LOC400499: variants seen among roughly 807,000 people sequenced by gnomAD.
the LOC400499 span, among the ~76,000 whole-genome samples, chr16:11,429,334 T>C: frequency 1.3e-5 from 2 of 152,104 alleles, no homozygotes; most frequent in Non-Finnish European, 2.9e-5. Flanking sequence ...GCACCATACT[T>C]CCAGTACAGC....
the LOC400499 span, chr16:11,448,170 C>T: frequency 7.2e-7 from 1 of 1,380,396 alleles, no homozygotes; most frequent in Non-Finnish European, 9.6e-7. Context: ...CCACAACCTG[C>T]CCATCACCCC....
chr16:11,448,995 C>T, the LOC400499 span: 895 of 1,522,206 alleles, frequency 5.9e-4, no homozygotes, highest in Non-Finnish European at 7.1e-4. Context: ...CAGGATCTTA[C>T]GGTCCCGGCT....
chr16:11,415,463 G>A, the LOC400499 span, among the ~76,000 whole-genome samples: 7 of 152,302 alleles, frequency 4.6e-5, no homozygotes, highest in Non-Finnish European at 4.4e-5. Flanking sequence ...CAGCCCGCCC[G>A]CCTCAAGGGA....
At chr16:11,495,140 C>A in the LOC400499 span, among the ~76,000 whole-genome samples, 1 of 151,592 alleles carries the variant, frequency 6.6e-6, no homozygotes, top group Non-Finnish European at 1.5e-5. Flanking sequence ...ACCCGGGAAG[C>A]AGAGGCTGCA....
chr16:11,519,178 C>T, the LOC400499 span, among the ~76,000 whole-genome samples: 1 of 152,168 alleles, frequency 6.6e-6, no homozygotes, highest in Non-Finnish European at 1.5e-5. Context: ...ACCTACAGCT[C>T]CCTGCTAAAC....
At chr16:11,486,272 G>GGGAT in the LOC400499 span, among the ~76,000 whole-genome samples, 6 of 43,946 alleles carry the variant, frequency 1.4e-4, 1 homozygote, top group Non-Finnish European at 2.5e-4. Flanking sequence ...GATGGATGGA[G>GGGAT]GGATGGATGG....
At chr16:11,426,596 C>T in the LOC400499 span, among the ~76,000 whole-genome samples, 1 of 151,390 alleles carries the variant, frequency 6.6e-6, no homozygotes, top group African/African-American at 2.4e-5. Flanking sequence ...TATTTCTTAG[C>T]TACTGCAATA....
the LOC400499 span, among the ~76,000 whole-genome samples, chr16:11,432,420 T>G: frequency 1.3e-5 from 2 of 152,018 alleles, no homozygotes; most frequent in African/African-American, 4.8e-5. Context: ...GCCCTGTGAG[T>G]TTTGAGAATA....
At chr16:11,476,764 C>G in the LOC400499 span, 1 of 399,386 alleles carries the variant, frequency 2.5e-6, no homozygotes, top group Admixed American at 4.4e-5. Context: ...GGGCACCCAC[C>G]TGAAGCTGAG....
chr16:11,391,841 C>T, the LOC400499 span: 1 of 1,231,910 alleles, frequency 8.1e-7, no homozygotes, highest in African/African-American at 1.5e-5. Flanking sequence ...CCACGCCGTC[C>T]AGGGTGCCTG....
the LOC400499 span, among the ~76,000 whole-genome samples, chr16:11,436,085 G>A: frequency 6.6e-6 from 1 of 152,182 alleles, no homozygotes; most frequent in Non-Finnish European, 1.5e-5. Flanking sequence ...CCTGGCCCAG[G>A]GGTACAGTCC....
the LOC400499 span, chr16:11,471,467 G>C: frequency 2.5e-6 from 1 of 394,486 alleles, no homozygotes; most frequent in Non-Finnish European, 4.5e-6. Context: ...CTGATTCAGA[G>C]TTAATGCATC....
the LOC400499 span, among the ~76,000 whole-genome samples, chr16:11,524,121 C>A: frequency 2.3e-5 from 1 of 43,744 alleles, no homozygotes; most frequent in African/African-American, 1.1e-4. Flanking sequence ...TCACTTCCAC[C>A]TCCTATCCAT....
At chr16:11,449,102 G>A in the LOC400499 span, 1 of 1,450,502 alleles carries the variant, frequency 6.9e-7, no homozygotes, top group Non-Finnish European at 9.2e-7. Flanking sequence ...CTGTCACTGT[G>A]GAAACCTGCA....
chr16:11,448,905 T>C, the LOC400499 span: 2 of 1,454,974 alleles, frequency 1.4e-6, no homozygotes, highest in Non-Finnish European at 1.8e-6. Flanking sequence ...TGCACGGGCC[T>C]CCTGGGTTCT....
chr16:11,384,234 C>A, the LOC400499 span: 2 of 1,232,116 alleles, frequency 1.6e-6, no homozygotes, highest in South Asian at 8.2e-5. Flanking sequence ...CCAGGCTGAG[C>A]TCCTCCAGGC....
the LOC400499 span, among the ~76,000 whole-genome samples, chr16:11,486,270 GAGGGATGGATGGATGGATGGATGGATGA>G: frequency 1.9e-3 from 89 of 47,728 alleles, no homozygotes; most frequent in Middle Eastern, 7.9e-3. Flanking sequence ...TGGATGGATG[GAGGGATGGATGGATGGATGGATGGATGA>G]ATGGTACATG....
the LOC400499 span, among the ~76,000 whole-genome samples, chr16:11,476,187 G>C: frequency 6.6e-6 from 1 of 151,906 alleles, no homozygotes; most frequent in Non-Finnish European, 1.5e-5. Flanking sequence ...CAGGGAACAG[G>C]GGCAGATGCG....
the LOC400499 span, among the ~76,000 whole-genome samples, chr16:11,514,170 T>C: frequency 6.6e-6 from 1 of 152,330 alleles, no homozygotes; most frequent in East Asian, 1.9e-4. Flanking sequence ...CCATTTGATC[T>C]GAGCCTCAGA....
Sources: gnomAD v4.1 joint callset for allele counts (sites outside exome capture counted in the v4.1 genomes callset) on GRCh38, gnomAD v4.1.1 for gene constraint, MANE v1.5 for transcripts.